Variants in PPIL3 observed in about 807,000 individuals in gnomAD.
PPIL3 encodes the protein peptidyl-prolyl cis-trans isomerase-like 3.
In PPIL3, 13 loss-of-function variants were observed where a neutral mutation model predicts 20.9. That is an observed-to-expected ratio of 0.62 (90% confidence interval 0.40 to 0.99). The LOEUF is 0.99. Among genes scored for constraint, PPIL3 ranks in the 50% least tolerant of loss-of-function variants. The pLI is 0.00. For synonymous variants in PPIL3, 71 were observed against 64.4 expected, an observed-to-expected ratio of 1.10 and a Z score of -0.49; for missense variants, 170 against 195.2, an observed-to-expected ratio of 0.87 and a Z score of 0.77.
At chr2:200,885,370 CA>C (rs905336049) in intron 3 of PPIL3, 479 of 323,402 alleles carry the variant, frequency 1.5e-3, no homozygotes, top group East Asian at 2.3e-3. Flanking sequence ...GACTCCATCT[CA>C]AAAAAAAATA....
intron 1 of PPIL3, chr2:200,888,721 T>G: frequency 3.1e-6 from 1 of 326,812 alleles, no homozygotes; most frequent in South Asian, 2.4e-5. Context: ...AGACGGGGTT[T>G]CGCCGTGTTG....
Position 200,871,530 on chromosome 2 carries a change from GA to G in PPIL3, c.360-10del, listed in dbSNP as rs1381834499. The stretch of plus-strand genomic sequence containing the variant: ...CCAGACCATCTATTACCCTGAAAGA[GA>G]AACAACATAACATATGAAAATTTCC... On this transcript the variant is annotated splice_polypyrimidine_tract_variant and intron_variant, in intron 6 of 6. Coordinates refer to ENST00000392283, the MANE Select transcript of PPIL3 (RefSeq NM_130906.3). 6.2e-7 allele frequency: 1 copy of G among 1,607,616 alleles called. No homozygotes were observed. The highest frequency in any genetic ancestry group is 2.2e-5 in the East Asian group (1 of 44,804).
In PPIL3 at chr2:200,871,252, C is replaced by T. The variant is rs572070437; in HGVS notation, c.*143G>A. 43 of 744,264 alleles carry T rather than the reference C, an allele frequency of 5.8e-5. No homozygotes were observed. In the African/African-American group the frequency reaches 7.0e-4, roughly 12 times the overall value. The allele number at this position is 744,264 out of a possible 1,614,324, so 46.1% of individuals were successfully genotyped here. A position where few individuals can be genotyped will look rare whatever the true frequency, so the allele number is the denominator to read the frequency against. On this transcript the variant is annotated 3_prime_UTR_variant, in exon 7 of 7. Coordinates refer to ENST00000392283, the MANE Select transcript of PPIL3 (RefSeq NM_130906.3). ...GAATGGGGATAAAAGCTGTTGGGCG[C>T]CCCTTGGTACCACCATTTCATAGAA...
chr2:200,871,628 C>T, intron 6 of PPIL3, 107 bp from the exon 7 acceptor site: 1 of 912,612 alleles, frequency 1.1e-6, no homozygotes, highest in Non-Finnish European at 1.6e-6. Flanking sequence ...TCTTACAGAT[C>T]TCTGAGTTCT....
chr2:200,885,861 A>G lies in PPIL3; in HGVS notation c.4-89T>C, dbSNP rs573961731. The G allele has an allele frequency of 4.0e-4, 297 of 741,564 alleles. 1 individual carries two copies. The highest frequency in any genetic ancestry group is 4.4e-4 in the Non-Finnish European group (201 of 452,070). The allele number at this position is 741,564 out of a possible 1,614,324, so 45.9% of individuals were successfully genotyped here. Reference sequence around the variant, plus strand: ...TTTCCCTGTGTGGATATTCAAGATGATAATCTGAATAAAAACAGACAGAAA... The same window carrying G: ...TTTCCCTGTGTGGATATTCAAGATGGTAATCTGAATAAAAACAGACAGAAA... On this transcript the variant is annotated intron_variant, in intron 2 of 6. Coordinates refer to ENST00000392283, the MANE Select transcript of PPIL3 (RefSeq NM_130906.3).
intron 1 of PPIL3, 124 bp downstream of exon 1, chr2:200,888,832 T>C (rs1310992977): frequency 6.8e-6 from 3 of 444,002 alleles, no homozygotes; most frequent in Non-Finnish European, 1.4e-5. Flanking sequence ...TACTCTGACG[T>C]TGCAACAACA....
intron 5 of PPIL3, among the ~76,000 whole-genome samples, chr2:200,880,661 C>A (rs1312285962): frequency 6.6e-6 from 1 of 152,102 alleles, no homozygotes; most frequent in Non-Finnish European, 1.5e-5. Context: ...GCTGGGATTA[C>A]TGTACCCGGC....
At chr2:200,876,176 G>A (rs1299940901) in intron 6 of PPIL3, among the ~76,000 whole-genome samples, 1 of 149,036 alleles carries the variant, frequency 6.7e-6, no homozygotes, top group Admixed American at 6.7e-5. Flanking sequence ...TGCGCATGAT[G>A]GTACACATTT....
chr2:200,883,223 G>A (rs1214810043), intron 3 of PPIL3, among the ~76,000 whole-genome samples: 1 of 150,450 alleles, frequency 6.6e-6, no homozygotes, highest in Non-Finnish European at 1.5e-5. Context: ...CGAAGTGCTG[G>A]AATTACAGGT....
At chr2:200,880,163 C>T (rs2039670398) in intron 5 of PPIL3, among the ~76,000 whole-genome samples, 1 of 152,106 alleles carries the variant, frequency 6.6e-6, no homozygotes, top group Non-Finnish European at 1.5e-5. Flanking sequence ...GGGAGGATCA[C>T]CTGAGCCCAG....
chr2:200,881,314 T>C (rs1231632276), intron 5 of PPIL3, 107 bp downstream of exon 5: 9 of 785,396 alleles, frequency 1.1e-5, no homozygotes, highest in Non-Finnish European at 1.6e-5. Context: ...TAAAAAAGTA[T>C]GTTCATTTTG....
chr2:200,872,101 A>T (rs933628936), intron 6 of PPIL3, among the ~76,000 whole-genome samples: 1 of 152,188 alleles, frequency 6.6e-6, no homozygotes, highest in African/African-American at 2.4e-5. Context: ...GCCAGTTCCA[A>T]GTCCCGATTG....
Position 200,882,397 on chromosome 2 carries a change from G to C in PPIL3, c.117C>G (p.Gly39=), listed in dbSNP as rs1396656383. The change falls in exon 4 of 7, where the codon GGC becomes GGG. Residue 39 remains glycine (G), a synonymous_variant. Transcript: ENST00000392283. ...LALCASNYYN[G]CIFHRNIKGF... The stretch of plus-strand genomic sequence containing the variant: ...CCTTGATATTCCTATGAAATATACA[G>C]CCATTGTAGTAATTACTGGCACAAA... 1.2e-6 allele frequency: 2 copies of C among 1,607,940 alleles called. No individual in the cohort carries two copies. The highest frequency in any genetic ancestry group is 1.7e-6 in the Non-Finnish European group (2 of 1,174,440).
chr2:200,871,587 A>G, intron 6 of PPIL3, 66 bp from the exon 7 acceptor site: 1 of 1,358,804 alleles, frequency 7.4e-7, no homozygotes, highest in Non-Finnish European at 1.0e-6. Context: ...CATATCTATG[A>G]CAATTACAGT....
chr2:200,874,266 G>A (rs1210706618), intron 6 of PPIL3, among the ~76,000 whole-genome samples: 1 of 151,696 alleles, frequency 6.6e-6, no homozygotes, highest in Non-Finnish European at 1.5e-5. Flanking sequence ...CACAAAATGG[G>A]TACTTCAACC....
At chr2:200,876,818 C>T (rs1469550789) in intron 6 of PPIL3, 101 bp downstream of exon 6, 8 of 924,210 alleles carry the variant, frequency 8.7e-6, no homozygotes, top group African/African-American at 3.3e-5. Flanking sequence ...GCACTGCGCT[C>T]GGCCTCACTC....
At chr2:200,883,633 TA>T (rs1164105749) in intron 3 of PPIL3, among the ~76,000 whole-genome samples, 2 of 152,086 alleles carry the variant, frequency 1.3e-5, no homozygotes, top group Non-Finnish European at 2.9e-5. Flanking sequence ...TTCTTAAAAA[TA>T]TAATTACTTA....
intron 3 of PPIL3, among the ~76,000 whole-genome samples, chr2:200,882,657 C>A (rs2039774983): frequency 6.6e-6 from 1 of 152,102 alleles, no homozygotes; most frequent in Non-Finnish European, 1.5e-5. Context: ...CGCCGGTAAT[C>A]CCAGCACTTT....
At chr2:200,887,929 C>A (rs148324804) in intron 1 of PPIL3, among the ~76,000 whole-genome samples, 5,807 of 151,882 alleles carry the variant, frequency 0.038, 147 homozygotes, top group Middle Eastern at 0.088. Flanking sequence ...TGGTGGCAGG[C>A]GCCTGTAGTC....
Sources: gnomAD v4.1 joint callset for allele counts (sites outside exome capture counted in the v4.1 genomes callset) on GRCh38, gnomAD v4.1.1 for gene constraint, MANE v1.5 for transcripts, NCBI Gene and HGNC (gene_info 2026-07-23, HGNC 2026-07-21) for gene names.